ANGPTL5: variants seen among roughly 807,000 people sequenced by gnomAD.
The protein encoded by ANGPTL5 is angiopoietin like 5, also known as angiopoietin-related protein 5.
Under a neutral mutation model 39.4 loss-of-function variants are expected in ANGPTL5, and 34 were observed. The observed-to-expected ratio is 0.86, with a 90% confidence interval of 0.66 to 1.15. The LOEUF (loss-of-function observed/expected upper bound fraction) is 1.15. ANGPTL5 is among the 50% of genes most tolerant of loss of function. The pLI is 0.00. For synonymous variants in ANGPTL5, 146 were observed against 152.1 expected, an observed-to-expected ratio of 0.96 and a Z score of 0.29; for missense variants, 467 against 457.5, an observed-to-expected ratio of 1.02 and a Z score of -0.19.
intron 4 of ANGPTL5, among the ~76,000 whole-genome samples, chr11:101,905,338 A>G (rs201228563): frequency 1.3e-5 from 2 of 151,568 alleles, no homozygotes; most frequent in Admixed American, 1.3e-4. Context: ...ACTCAACCTC[A>G]CCAGCCACTC....
At chr11:101,899,329 G>C (rs1939853912) in intron 7 of ANGPTL5, among the ~76,000 whole-genome samples, 1 of 152,170 alleles carries the variant, frequency 6.6e-6, no homozygotes, top group Admixed American at 6.5e-5. Flanking sequence ...CAAACTCCTG[G>C]CCTCAAGCAA....
chr11:101,908,105 C>T, intron 1 of ANGPTL5, 104 bp from the exon 2 acceptor site: 1 of 494,058 alleles, frequency 2.0e-6, no homozygotes, highest in Admixed American at 3.4e-5. Flanking sequence ...TCTGGAGATC[C>T]TGACATTTTA....
intron 6 of ANGPTL5, 28 bp from the exon 7 acceptor site, chr11:101,900,578 T>A: frequency 6.2e-7 from 1 of 1,601,048 alleles, no homozygotes; most frequent in Non-Finnish European, 8.6e-7. Flanking sequence ...AAGACCAAAA[T>A]AATACACTAT....
At chr11:101,894,263 A>G (rs1320321859) in intron 8 of ANGPTL5, among the ~76,000 whole-genome samples, 1 of 152,210 alleles carries the variant, frequency 6.6e-6, no homozygotes, top group Non-Finnish European at 1.5e-5. Flanking sequence ...AGTACCACAA[A>G]CAGCAACAAG....
In ANGPTL5 at chr11:101,890,912, A is replaced by C. The variant is rs576351197; in HGVS notation, c.*367T>G. ...TATCTGTAGATTATATAATCATATA[A>C]AGTATAAAAATAAGTAAAATATTCC... is the stretch of plus-strand genomic sequence containing the variant. On this transcript the variant is annotated 3_prime_UTR_variant, in exon 9 of 9. Transcript: ENST00000334289. 5.3e-4 allele frequency: 92 copies of C among 173,634 alleles called. 1 individual carries two copies. Among genetic ancestry groups the C allele is most frequent in the Non-Finnish European group, 9.5e-4 (77 of 80,754 alleles). 10.8% of individuals were successfully genotyped at this position (173,634 alleles called of 1,614,324 possible).
chr11:101,898,077 G>A (rs1039936628), intron 7 of ANGPTL5, among the ~76,000 whole-genome samples: 13 of 152,058 alleles, frequency 8.5e-5, no homozygotes, highest in African/African-American at 2.9e-4. Flanking sequence ...ACAAAAATTA[G>A]CTGGGCATGG....
chr11:101,896,646 G>A (rs1053227291), intron 7 of ANGPTL5, among the ~76,000 whole-genome samples: 1 of 152,036 alleles, frequency 6.6e-6, no homozygotes, highest in Non-Finnish European at 1.5e-5. Context: ...TGAGAATGAC[G>A]GTTTCTAGCT....
Position 101,914,803 on chromosome 11 carries a change from A to T in ANGPTL5, c.-93+1216T>A, listed in dbSNP as rs1044421377. Among the ~76,000 whole-genome samples the T allele has an allele frequency of 5.9e-5, 9 of 152,198 alleles. 1 individual carries two copies. The South Asian group carries it at 1.0e-3, about 18-fold the overall frequency. The stretch of plus-strand genomic sequence containing the variant: ...TCACTGTCGGTACTGCCACAAAAAC[A>T]CTCTCATAAAAAGGGAGGCAGAACT... On this transcript the variant is annotated intron_variant, in intron 1 of 8. Coordinates refer to ENST00000334289, the MANE Select transcript of ANGPTL5 (RefSeq NM_178127.5).
intron 7 of ANGPTL5, among the ~76,000 whole-genome samples, chr11:101,897,714 A>G (rs1009635335): frequency 3.3e-5 from 5 of 152,018 alleles, no homozygotes; most frequent in Admixed American, 6.6e-5. Context: ...ATTGGTCCAT[A>G]TATCTGTTTT....
intron 1 of ANGPTL5, chr11:101,915,052 C>A: frequency 2.0e-6 from 1 of 501,802 alleles, no homozygotes; most frequent in Non-Finnish European, 3.5e-6. Flanking sequence ...AGGGTTGCTG[C>A]CGCCCCATCT....
chr11:101,891,633 G>A lies in ANGPTL5; in HGVS notation c.848-35C>T, dbSNP rs768802901. 6 of 1,579,488 alleles carry A rather than the reference G, an allele frequency of 3.8e-6. No homozygotes were observed. In the South Asian group the frequency reaches 6.7e-5, roughly 18 times the overall value. On this transcript the variant is annotated intron_variant, in intron 8 of 8. Coordinates refer to ENST00000334289, the MANE Select transcript of ANGPTL5 (RefSeq NM_178127.5). The stretch of plus-strand genomic sequence containing the variant: ...AAATTTTTAATGATCGAATTTAAAG[G>A]AAATTTCTATTATTTTAATTAATCA...
At chr11:101,912,120 A>G (rs1001484983) in intron 1 of ANGPTL5, among the ~76,000 whole-genome samples, 1 of 152,274 alleles carries the variant, frequency 6.6e-6, no homozygotes, top group Non-Finnish European at 1.5e-5. Context: ...CTTCACGAAC[A>G]TAAGGACTTT....
At position 101,891,578 on chromosome 11, in the gene ANGPTL5, T is replaced by G. The variant is rs866525384; in HGVS notation, c.868A>C (p.Lys290Gln). 3 of 1,613,976 alleles carry G rather than the reference T, an allele frequency of 1.9e-6. No individual in the cohort carries two copies. The African/African-American group carries it at 4.0e-5, about 22-fold the overall frequency. The part of the protein sequence containing the change: ...GNAGDAFRGL[K>Q]KEDNQNAMPF... Reference sequence around the variant, plus strand: ...ATTGCATTTTGATTATCTTCTTTTTTGAGACCCCGGAATGCATCACCTGGG... The same window carrying G: ...ATTGCATTTTGATTATCTTCTTTTTGGAGACCCCGGAATGCATCACCTGGG... Residue 290 changes from lysine (K) to glutamine (Q), a missense_variant, in exon 9 of 9, where the codon AAA becomes CAA. Coordinates refer to ENST00000334289, the MANE Select transcript of ANGPTL5 (RefSeq NM_178127.5).
At chr11:101,915,475 A>G (rs2137072447) in intron 1 of ANGPTL5, 1 of 1,557,330 alleles carries the variant, frequency 6.4e-7, no homozygotes, top group Non-Finnish European at 8.7e-7. Context: ...ATCTTTTTCC[A>G]ATTAGATTCC....
intron 8 of ANGPTL5, among the ~76,000 whole-genome samples, chr11:101,894,666 T>G (rs765642614): frequency 6.6e-6 from 1 of 152,222 alleles, no homozygotes; most frequent in Non-Finnish European, 1.5e-5. Flanking sequence ...CAAATTGTTT[T>G]AGAGACTATA....
chr11:101,908,502 G>A (rs533538783), intron 1 of ANGPTL5, among the ~76,000 whole-genome samples: 2 of 152,210 alleles, frequency 1.3e-5, no homozygotes, highest in South Asian at 4.1e-4. Flanking sequence ...CTCAACGCTG[G>A]GCGCAGTGGC....
Position 101,900,425 on chromosome 11 carries a change from T to C in ANGPTL5, c.661+5A>G. 1 of 1,610,118 alleles carries C rather than the reference T, an allele frequency of 6.2e-7. No homozygotes were observed. The highest frequency in any genetic ancestry group is 1.1e-5 in the South Asian group (1 of 90,760). On this transcript the variant is annotated splice_donor_5th_base_variant and intron_variant, in intron 7 of 8. Transcript: ENST00000334289. The stretch of plus-strand genomic sequence containing the variant: ...AATGTAGAGTAGAAATACAAAAAAA[T>C]TAACCTAGAAGATCTCCAAATCCAT...
intron 7 of ANGPTL5, among the ~76,000 whole-genome samples, 176 bp from the exon 8 acceptor site, chr11:101,895,240 A>C (rs1283092359): frequency 2.6e-5 from 4 of 152,212 alleles, no homozygotes; most frequent in Admixed American, 1.3e-4. Context: ...CATAAAACAA[A>C]CAAAATTCCT....
At chr11:101,915,085 G>T in intron 1 of ANGPTL5, 1 of 696,502 alleles carries the variant, frequency 1.4e-6, no homozygotes, top group Non-Finnish European at 2.2e-6. Context: ...CGAGGTCGCC[G>T]CTGCCTCAGC....
Sources: gnomAD v4.1 joint callset for allele counts (sites outside exome capture counted in the v4.1 genomes callset) on GRCh38, gnomAD v4.1.1 for gene constraint, MANE v1.5 for transcripts, NCBI Gene and HGNC (gene_info 2026-07-23, HGNC 2026-07-21) for gene names.